The following TYRO3 variants were observed in gnomAD, a reference collection of about 807,000 sequenced individuals.
The protein encoded by TYRO3 is TYRO3 protein tyrosine kinase.
TYRO3 carries 38 observed loss-of-function variants against 95.2 expected under a neutral mutation model. That is an observed-to-expected ratio of 0.40 (90% confidence interval 0.31 to 0.52). The LOEUF is 0.52. Among genes scored for constraint, TYRO3 ranks in the 20% least tolerant of loss-of-function variants. The pLI, the probability that TYRO3 is intolerant of heterozygous loss-of-function variation, is 0.56. For missense variants in TYRO3, 812 were observed against 1,116.4 expected, an observed-to-expected ratio of 0.73 and a Z score of 3.89; for synonymous variants, 367 against 432.9, an observed-to-expected ratio of 0.85 and a Z score of 1.89.
intron 17 of TYRO3, 74 bp from the exon 18 acceptor site, chr15:41,573,605 C>T (rs147002658): frequency 6.2e-7 from 1 of 1,604,360 alleles, no homozygotes; most frequent in Admixed American, 1.7e-5. Context: ...TTGTGCTTGT[C>T]TCAGAGCCAT....
Position 41,572,584 on chromosome 15 carries a change from G to A in TYRO3, c.1875+20G>A. ...CCCTTTGTGAGTACCTGGTGTGGGGGTGGCCAGGAGGAAACGGGTGGGAAC... is the reference window on the plus strand; with the variant it reads ...CCCTTTGTGAGTACCTGGTGTGGGGATGGCCAGGAGGAAACGGGTGGGAAC... On this transcript the variant is annotated intron_variant, in intron 15 of 18. Coordinates refer to ENST00000263798, the MANE Select transcript of TYRO3 (RefSeq NM_006293.4). The A allele has an allele frequency of 9.9e-7, 1 of 1,014,760 alleles. No individual in the cohort carries two copies. The highest frequency in any genetic ancestry group is 1.4e-6 in the Non-Finnish European group (1 of 689,924). 62.9% of individuals were successfully genotyped at this position (1,014,760 alleles called of 1,614,324 possible).
At position 41,570,703 on chromosome 15, in the gene TYRO3, T is replaced by C. The variant is rs773420456; in HGVS notation, c.1579+4T>C. On this transcript the variant is annotated splice_donor_region_variant and intron_variant, in intron 12 of 18. Coordinates refer to ENST00000263798, the MANE Select transcript of TYRO3 (RefSeq NM_006293.4). Reference sequence around the variant, plus strand: ...CTGGGCCGGATGTTGGGCAAAGGTATGTGAGGCTGTGTGGGGATGGGCATG... The same window carrying C: ...CTGGGCCGGATGTTGGGCAAAGGTACGTGAGGCTGTGTGGGGATGGGCATG... 6 of 1,127,980 alleles carry C rather than the reference T, an allele frequency of 5.3e-6. No homozygotes were observed. Among genetic ancestry groups the C allele is most frequent in the African/African-American group, 1.5e-5 (1 of 68,440 alleles). 69.9% of individuals were successfully genotyped at this position (1,127,980 alleles called of 1,614,324 possible).
At chr15:41,564,987 T>C in intron 5 of TYRO3, 39 bp from the exon 6 acceptor site, 2 of 1,390,270 alleles carry the variant, frequency 1.4e-6, no homozygotes, top group Non-Finnish European at 1.0e-6. Context: ...CCTCTGCTCA[T>C]ATCCCTACTG....
chr15:41,572,666 G>A, intron 15 of TYRO3, 102 bp downstream of exon 15: 1 of 1,506,784 alleles, frequency 6.6e-7, no homozygotes, highest in Non-Finnish European at 9.0e-7. Flanking sequence ...GGGTAGGGCT[G>A]ATGGAGCTGG....
chr15:41,573,429 A>G lies in TYRO3; in HGVS notation c.2107A>G (p.Ser703Gly), dbSNP rs779110328. 2 of 1,614,232 alleles carry G rather than the reference A, an allele frequency of 1.2e-6. No individual in the cohort carries two copies. The highest frequency in any genetic ancestry group is 3.3e-5 in the Admixed American group (2 of 60,024). The change falls in exon 17 of 19, where the codon AGC becomes GGC. Residue 703 changes from serine (S) to glycine (G), a missense_variant. Ser to Gly is a moderately conservative substitution (Grantham distance 56). Coordinates refer to ENST00000263798, the MANE Select transcript of TYRO3 (RefSeq NM_006293.4). ...KLPVKWLALESLADNLYTVQS... is the reference protein window; with the variant it reads ...KLPVKWLALEGLADNLYTVQS... The stretch of plus-strand genomic sequence containing the variant: ...GCCTGTCAAGTGGCTGGCCCTGGAG[A>G]GCCTGGCCGACAACCTGTATACTGT...
chr15:41,570,150 G>A lies in TYRO3; in HGVS notation c.1376G>A (p.Arg459Gln), dbSNP rs757605126. 1.1e-5 allele frequency: 18 copies of A among 1,614,094 alleles called. No individual in the cohort carries two copies. In the Admixed American group the frequency reaches 1.3e-4, roughly 12 times the overall value. ...CTTCGAAAGAGACGGAAAGAGACGC[G>A]GTTTGGGTAAGGGGATGGGGATGTG... ...ILLRKRRKET[R>Q]FGQAFDSVMA... Residue 459 changes from arginine to glutamine, a missense_variant, in exon 10 of 19, where the codon CGG becomes CAG. Coordinates refer to ENST00000263798, the MANE Select transcript of TYRO3 (RefSeq NM_006293.4).
In TYRO3 at chr15:41,571,671, C is replaced by T. The variant is rs144866887; in HGVS notation, c.1737C>T (p.His579=). The T allele has an allele frequency of 2.7e-5, 44 of 1,611,334 alleles. No homozygotes were observed. The African/African-American group carries it at 4.5e-4, about 17-fold the overall frequency. The stretch of plus-strand genomic sequence containing the variant: ...GCATGAAGGAGTTTGACCATCCACA[C>T]GTGGCCAAACTTGTTGGTGAGCCCA... ...AACMKEFDHP[H]VAKLVGVSLR... Residue 579 remains histidine, a synonymous_variant, in exon 14 of 19, where the codon CAC becomes CAT. Transcript: ENST00000263798.
intron 1 of TYRO3, among the ~76,000 whole-genome samples, chr15:41,559,794 C>A (rs2052140364): frequency 6.6e-6 from 1 of 152,224 alleles, no homozygotes; most frequent in South Asian, 2.1e-4. Context: ...CCAAAGGCCA[C>A]CCTGATACCA....
In TYRO3 at chr15:41,582,300, G is replaced by T. The variant is rs68058196; in HGVS notation, c.*4024G>T. 65,894 of 151,974 alleles carry T rather than the reference G, an allele frequency of 0.43. 14,818 individuals carry two copies. The highest frequency in any genetic ancestry group is 0.82 in the East Asian group (4,233 of 5,170). The allele number at this position is 151,974 out of a possible 1,614,324, so 9.4% of individuals were successfully genotyped here. A position where few individuals can be genotyped will look rare whatever the true frequency, so the allele number is the denominator to read the frequency against. On this transcript the variant is annotated 3_prime_UTR_variant, in exon 19 of 19. Transcript: ENST00000263798. ...GAGGCCGAGGCGGGCGGATCACAAG[G>T]TCAGGAGTTTGAGACCAGCCTGGCT...
At position 41,577,966 on chromosome 15, in the gene TYRO3, A is replaced by C. The variant is rs780857313; in HGVS notation, c.2363A>C (p.Asn788Thr). Residue 788 changes from asparagine to threonine, a missense_variant, in exon 19 of 19, where the codon AAC becomes ACC. Transcript: ENST00000263798. ...SFTCLRMELE[N>T]ILGQLSVLSA... ...ACTTGTCTGCGAATGGAACTGGAGA[A>C]CATCTTGGGCCAGCTGTCTGTGCTA... is the stretch of plus-strand genomic sequence containing the variant. The C allele has an allele frequency of 5.0e-6, 8 of 1,613,836 alleles. No individual in the cohort carries two copies. In the East Asian group the frequency reaches 1.8e-4, roughly 36 times the overall value.
intron 4 of TYRO3, among the ~76,000 whole-genome samples, chr15:41,563,887 A>G (rs2055687473): frequency 6.6e-6 from 1 of 152,200 alleles, no homozygotes; most frequent in African/African-American, 2.4e-5. Flanking sequence ...GGGAGATGGG[A>G]TGGAGGTGGG....
Position 41,582,915 on chromosome 15 carries a change from T to C in TYRO3, c.*4639T>C, listed in dbSNP as rs1052100929. 30 of 151,362 alleles carry C rather than the reference T, an allele frequency of 2.0e-4. No individual in the cohort carries two copies. Among genetic ancestry groups the C allele is most frequent in the African/African-American group, 6.3e-4 (26 of 41,222 alleles). 9.4% of individuals were successfully genotyped at this position (151,362 alleles called of 1,614,324 possible). ...TTCTGCCTGGGCTGGAGTAAAGTGA[T>C]AGTAAACTGATTCTCCCACCTCAGC... On this transcript the variant is annotated 3_prime_UTR_variant, in exon 19 of 19. Transcript: ENST00000263798.
At chr15:41,564,788 GC>G (rs1205695122) in intron 5 of TYRO3, 59 of 522,094 alleles carry the variant, frequency 1.1e-4, no homozygotes, top group Middle Eastern at 5.4e-4. Flanking sequence ...GTTACACAGG[GC>G]CTTCGTGGCA....
rs1230010070 is a variant in TYRO3, at chr15:41,572,997, A to G, written c.1876-5A>G. The G allele has an allele frequency of 7.0e-5, 66 of 936,660 alleles. No homozygotes were observed. Among genetic ancestry groups the G allele is most frequent in the Non-Finnish European group, 1.0e-4 (63 of 620,846 alleles). The allele number at this position is 936,660 out of a possible 1,614,324, so 58.0% of individuals were successfully genotyped here. A position where few individuals can be genotyped will look rare whatever the true frequency, so the allele number is the denominator to read the frequency against. ...AAGCCTGAGCTTGGCCTGTCTGTCC[A>G]CTAGAACCTACCCCTCCAGACCCTG... On this transcript the variant is annotated splice_region_variant and splice_polypyrimidine_tract_variant and intron_variant, in intron 15 of 18. Transcript: ENST00000263798.
At chr15:41,571,763 T>C in intron 14 of TYRO3, 76 bp downstream of exon 14, 2 of 678,140 alleles carry the variant, frequency 2.9e-6, no homozygotes, top group Non-Finnish European at 5.2e-6. Flanking sequence ...TGGCAGCCTA[T>C]AGGAGAGACT....
At chr15:41,568,655 C>A (rs1028983631) in intron 8 of TYRO3, among the ~76,000 whole-genome samples, 2 of 152,136 alleles carry the variant, frequency 1.3e-5, no homozygotes, top group African/African-American at 4.8e-5. Context: ...TCCCATCCCC[C>A]ACCTGTGCAT....
At chr15:41,564,929 C>A in intron 5 of TYRO3, 97 bp from the exon 6 acceptor site, 1 of 796,084 alleles carries the variant, frequency 1.3e-6, no homozygotes. Context: ...TTGGGGATGC[C>A]CTGGACCCTC....
rs2055905763 is a variant in TYRO3, at chr15:41,579,959, G to GT, written c.*1684dup. On this transcript the variant is annotated 3_prime_UTR_variant, in exon 19 of 19. Transcript: ENST00000263798. ...TTTTTAGTAGAGATAGGGTTTCACC[G>GT]TATTAGCCAGGATGATCTCAATCTC... The GT allele has an allele frequency of 6.6e-6, 1 of 151,384 alleles. No homozygotes were observed. Among genetic ancestry groups the GT allele is most frequent in the Admixed American group, 6.6e-5 (1 of 15,184 alleles). The allele number at this position is 151,384 out of a possible 1,614,324, so 9.4% of individuals were successfully genotyped here. A position where few individuals can be genotyped will look rare whatever the true frequency, so the allele number is the denominator to read the frequency against.
In TYRO3 at chr15:41,570,890, C is replaced by G. The variant is rs2055787318; in HGVS notation, c.1580-148C>G. On this transcript the variant is annotated intron_variant, in intron 12 of 18. Transcript: ENST00000263798. ...GGGAGGGCTGAGGAGCTGCTCCCAG[C>G]ATGCTCTTGCTTTGGCTACTGGCAA... The G allele has an allele frequency of 6.3e-6, 6 of 955,700 alleles. 1 individual carries two copies. The South Asian group carries it at 8.9e-5, about 14-fold the overall frequency. 59.2% of individuals were successfully genotyped at this position (955,700 alleles called of 1,614,324 possible). A position where few individuals can be genotyped will look rare whatever the true frequency, so the allele number is the denominator to read the frequency against.
Sources: allele counts gnomAD v4.1 joint callset (sites outside exome capture counted in the v4.1 genomes callset), GRCh38; gene constraint gnomAD v4.1.1; transcripts MANE v1.5; gene names NCBI Gene and HGNC (gene_info 2026-07-23, HGNC 2026-07-21).